The following AP4E1 variants were observed in gnomAD, a reference collection of about 807,000 sequenced individuals.
The protein encoded by AP4E1 is AP-4 complex subunit epsilon-1.
Under a neutral mutation model 128.2 loss-of-function variants are expected in AP4E1, and 56 were observed. The observed-to-expected ratio is 0.44, with a 90% CI of 0.35 to 0.55. The LOEUF (loss-of-function observed/expected upper bound fraction) is 0.55, where lower values mean the gene tolerates loss of function less well. Ranked by LOEUF, AP4E1 falls within the 20% of genes least tolerant of loss-of-function variation. The pLI is 0.00. For missense variants in AP4E1, 1,324 were observed against 1,307.7 expected (o/e 1.01, Z -0.19); for synonymous variants, 484 against 473.1 (o/e 1.02, Z -0.30).
At chr15:50,910,277 C>T (rs986868237) in intron 1 of AP4E1, among the ~76,000 whole-genome samples, 2 of 152,216 alleles carry the variant, frequency 1.3e-5, no homozygotes, top group Non-Finnish European at 2.9e-5. Context: ...GCCACCGCGC[C>T]GGGCCCCCAC....
intron 15 of AP4E1, among the ~76,000 whole-genome samples, chr15:50,969,135 T>G (rs1195542215): frequency 1.3e-5 from 2 of 152,020 alleles, no homozygotes; most frequent in Non-Finnish European, 2.9e-5. Context: ...TACCCATTAG[T>G]TTTCCTGATC....
chr15:50,986,941 A>C (rs183188908), intron 16 of AP4E1, among the ~76,000 whole-genome samples: 2,705 of 152,106 alleles, frequency 0.018, 101 homozygotes, highest in African/African-American at 0.062. Flanking sequence ...CTGGTCCTGG[A>C]CTTTTTTTGG....
At chr15:50,934,288 A>G (rs975276291) in intron 7 of AP4E1, among the ~76,000 whole-genome samples, 2 of 152,112 alleles carry the variant, frequency 1.3e-5, no homozygotes, top group Non-Finnish European at 2.9e-5. Context: ...ATGAAGTATT[A>G]CTATGGTAAC....
intron 3 of AP4E1, among the ~76,000 whole-genome samples, chr15:50,917,447 C>T (rs2063643509): frequency 2.0e-5 from 3 of 152,160 alleles, no homozygotes; most frequent in Non-Finnish European, 4.4e-5. Flanking sequence ...GCCATTTTCT[C>T]TTATTCCCTT....
Position 50,999,181 on chromosome 15 carries a change from G to T in AP4E1, c.3014G>T (p.Gly1005Val). 2 of 1,613,572 alleles carry T rather than the reference G, an allele frequency of 1.2e-6. No individual in the cohort carries two copies. Among genetic ancestry groups the T allele is most frequent in the Non-Finnish European group, 1.7e-6 (2 of 1,179,784 alleles). The change falls in exon 19 of 21, where the codon GGT becomes GTT. Residue 1005 changes from glycine to valine, a missense_variant. Transcript: ENST00000261842. ...CCTTTTACAGAAGGAAATCTTACTG[G>T]TTTTATTAGTTATCATATGATGGAT... ...EKPFTEGNLT[G>V]FISYHMMDTH...
upstream of AP4E1, chr15:50,908,650 C>T (rs1305103166): frequency 1.7e-6 from 2 of 1,185,138 alleles, no homozygotes; most frequent in Non-Finnish European, 2.2e-6. Context: ...TCAGGTGGGA[C>T]GCCAATAAAG....
intron 17 of AP4E1, among the ~76,000 whole-genome samples, chr15:50,996,088 A>C (rs925150722): frequency 1.5e-4 from 22 of 147,040 alleles, no homozygotes; most frequent in African/African-American, 5.5e-4. Context: ...TCCCAAGTTC[A>C]AGCAATTCTC....
At chr15:50,951,726 CTTTTTTT>C (rs71127166) in intron 13 of AP4E1, among the ~76,000 whole-genome samples, 2 of 126,026 alleles carry the variant, frequency 1.6e-5, no homozygotes, top group Admixed American at 8.2e-5. Context: ...AATTTTCTTT[CTTTTTTT>C]TTTTTTTTTT....
chr15:50,954,844 G>GT (rs2064194809), intron 13 of AP4E1, among the ~76,000 whole-genome samples: 1 of 151,908 alleles, frequency 6.6e-6, no homozygotes, highest in Non-Finnish European at 1.5e-5. Context: ...TCCCTCTGCC[G>GT]TCCCCCTACC....
chr15:50,934,765 G>A (rs1314455029), intron 8 of AP4E1, 68 bp downstream of exon 8: 1 of 1,009,492 alleles, frequency 9.9e-7, no homozygotes, highest in Non-Finnish European at 1.5e-6. Context: ...TTAAATCTGT[G>A]TTAGAATGCT....
chr15:50,973,597 G>A (rs1166943662), intron 15 of AP4E1, among the ~76,000 whole-genome samples: 1 of 152,048 alleles, frequency 6.6e-6, no homozygotes, highest in African/African-American at 2.4e-5. Flanking sequence ...TTAGCCTCTG[G>A]CAGCAACCAG....
chr15:50,908,586 C>G (rs564376715), upstream of AP4E1: 159 of 657,146 alleles, frequency 2.4e-4, no homozygotes, highest in African/African-American at 2.8e-3. Context: ...TTTTCCACCC[C>G]CGCGGTCTCT....
At chr15:50,949,764 A>G in intron 11 of AP4E1, 62 bp from the exon 12 acceptor site, 2 of 1,267,662 alleles carry the variant, frequency 1.6e-6, no homozygotes, top group Non-Finnish European at 2.3e-6. Context: ...AAAGATTGCT[A>G]CAGAAGGGTA....
intron 16 of AP4E1, among the ~76,000 whole-genome samples, chr15:50,985,337 G>T (rs939782457): frequency 4.6e-5 from 7 of 152,176 alleles, no homozygotes; most frequent in Middle Eastern, 3.4e-3. Context: ...GTCAATTTTG[G>T]CTTTTGTTGC....
chr15:50,957,603 C>T (rs1038116017), intron 13 of AP4E1, among the ~76,000 whole-genome samples: 1 of 151,986 alleles, frequency 6.6e-6, no homozygotes, highest in African/African-American at 2.4e-5. Flanking sequence ...GCCTCCTGTC[C>T]CTATCCATTC....
rs191584279 is a variant in AP4E1, at chr15:50,917,912, C to A, written c.346+2341C>A. The A allele has an allele frequency of 3.1e-3, 478 of 152,606 alleles. 1 individual carries two copies. Among genetic ancestry groups the A allele is most frequent in the Non-Finnish European group, 5.5e-3 (376 of 68,374 alleles). 9.5% of individuals were successfully genotyped at this position (152,606 alleles called of 1,614,324 possible). On this transcript the variant is annotated intron_variant, in intron 3 of 20. Coordinates refer to ENST00000261842, the MANE Select transcript of AP4E1 (RefSeq NM_007347.5). ...CTCAGAAGTTGGAGACCAGCCAGGG[C>A]AACATAGTGAAATCCCATCTCTACA... is the stretch of plus-strand genomic sequence containing the variant.
At position 50,977,303 on chromosome 15, in the gene AP4E1, T is replaced by A. The variant is rs142743859; in HGVS notation, c.1967-6719T>A. On this transcript the variant is annotated intron_variant, in intron 15 of 20. Transcript: ENST00000261842. ...TAATAGGGAGACTATTTCCTGGCAC[T>A]GCCTATTTTGTTTCTTAAAATAAGC... is the stretch of plus-strand genomic sequence containing the variant. Among the ~76,000 whole-genome samples, 141 of 152,312 alleles carry A rather than the reference T, an allele frequency of 9.3e-4. 1 individual carries two copies. The highest frequency in any genetic ancestry group is 3.2e-3 in the Admixed American group (49 of 15,290).
In AP4E1 at chr15:50,997,649, A is replaced by G; in HGVS notation, c.2670A>G (p.Gln890=). ...ACATGGAAATTTTTCACCCTCCTCA[A>G]TCTACTGCAGCCTCAGTTGCCAAGG... is the stretch of plus-strand genomic sequence containing the variant. ...NNNMEIFHPP[Q]STAASVAKES... is the part of the protein sequence containing the mutation. Residue 890 remains glutamine (Q), a synonymous_variant, in exon 18 of 21, where the codon CAA becomes CAG. Transcript: ENST00000261842. 1 of 1,614,004 alleles carries G rather than the reference A, an allele frequency of 6.2e-7. No individual in the cohort carries two copies. Among genetic ancestry groups the G allele is most frequent in the Non-Finnish European group, 8.5e-7 (1 of 1,179,974 alleles).
At position 50,908,754 on chromosome 15, in the gene AP4E1, G is replaced by T. The variant is rs1407090778; in HGVS notation, c.-25G>T. Reference sequence around the variant, plus strand: ...GGGCGGCTACGGGATCGCGGGCGGCGGCGGCATCGCGGGCGGCGGCGGCGA... The same window carrying T: ...GGGCGGCTACGGGATCGCGGGCGGCTGCGGCATCGCGGGCGGCGGCGGCGA... On this transcript the variant is annotated 5_prime_UTR_variant, in exon 1 of 21. Transcript: ENST00000261842. 4.0e-6 allele frequency: 6 copies of T among 1,509,922 alleles called. No individual in the cohort carries two copies. Among genetic ancestry groups the T allele is most frequent in the South Asian group, 1.3e-5 (1 of 78,846 alleles). 93.5% of individuals were successfully genotyped at this position (1,509,922 alleles called of 1,614,324 possible).
Sources: allele counts gnomAD v4.1 joint callset (sites outside exome capture counted in the v4.1 genomes callset), GRCh38; gene constraint gnomAD v4.1.1; transcripts MANE v1.5; gene names NCBI Gene and HGNC (gene_info 2026-07-23, HGNC 2026-07-21).